Variants in DCPS observed in about 807,000 individuals in gnomAD.
DCPS encodes the protein m7GpppX diphosphatase.
In DCPS, 27 loss-of-function variants were observed where a neutral mutation model predicts 34.7. The observed-to-expected ratio is 0.78, with a 90% CI of 0.57 to 1.07. The LOEUF (loss-of-function observed/expected upper bound fraction) is 1.07, where lower values mean the gene tolerates loss of function less well. DCPS is among the 50% of genes least tolerant of loss of function. The pLI is 0.00. For missense variants in DCPS, 464 were observed against 436.9 expected (o/e 1.06, Z -0.55); for synonymous variants, 185 against 185.7 (o/e 1.00, Z 0.03).
At position 126,325,217 on chromosome 11, in the gene DCPS, T is replaced by C. The variant is rs1330233791; in HGVS notation, c.377-6188T>C. On this transcript the variant is annotated intron_variant, in intron 2 of 5. Transcript: ENST00000263579. The surrounding 1 kb of genome is among the most constrained non-coding windows in gnomAD (Gnocchi z 4.3). ...AAGAAAAAAAATTAAACAGTAAAAA[T>C]GTAATGACTTATTCCATACACCAAA... 1.3e-5 allele frequency among the ~76,000 whole-genome samples: 2 copies of C among 151,744 alleles called. No homozygotes were observed. Among genetic ancestry groups the C allele is most frequent in the African/African-American group, 4.8e-5 (2 of 41,274 alleles).
chr11:126,305,335 G>A (rs532799791), intron 1 of DCPS, among the ~76,000 whole-genome samples: 128 of 149,874 alleles, frequency 8.5e-4, no homozygotes, highest in Admixed American at 3.2e-3. Flanking sequence ...GGCTGGTCTC[G>A]AACTCCTGAC....
At position 126,322,697 on chromosome 11, in the gene DCPS, A is replaced by T. The variant is rs1489883255; in HGVS notation, c.377-8708A>T. 6.6e-6 allele frequency among the ~76,000 whole-genome samples: 1 copy of T among 151,200 alleles called. No homozygotes were observed. Among genetic ancestry groups the T allele is most frequent in the Admixed American group, 6.6e-5 (1 of 15,160 alleles). On this transcript the variant is annotated intron_variant, in intron 2 of 5. Coordinates refer to ENST00000263579, the MANE Select transcript of DCPS (RefSeq NM_014026.6). This position sits in a 1 kb window ranked among gnomAD's most constrained non-coding sequence, Gnocchi z 4.2. ...AACCTCCGCCTCCGAGGTTCAAGTG[A>T]TTCTCCTGCCTCAGCTTCCTGAGTA...
rs540165753 is a variant in DCPS at position 126,331,681 on chromosome 11, C to T, written c.522+131C>T. On this transcript the variant is annotated intron_variant, in intron 3 of 5. Coordinates refer to ENST00000263579, the MANE Select transcript of DCPS (RefSeq NM_014026.6). This position sits in a 1 kb window ranked among gnomAD's most constrained non-coding sequence, Gnocchi z 7.2. ...GAGGGGATGGGGGTACAGTAGAGAG[C>T]ATGGCGGACAGAATCCCCACCTCGT... 3.9e-5 allele frequency: 45 copies of T among 1,153,884 alleles called. No individual in the cohort carries two copies. In the East Asian group the frequency reaches 1.1e-3, roughly 28 times the overall value. 71.5% of individuals were successfully genotyped at this position (1,153,884 alleles called of 1,614,324 possible). A position where few individuals can be genotyped will look rare whatever the true frequency, so the allele number is the denominator to read the frequency against.
chr11:126,343,438 A>T, intron 5 of DCPS, 21 bp downstream of exon 5: 1 of 1,581,886 alleles, frequency 6.3e-7, no homozygotes, highest in South Asian at 1.1e-5. Flanking sequence ...TCACCAAACC[A>T]CGTGGAAGCT....
In DCPS at chr11:126,338,746, A is replaced by G. The variant is rs891327761; in HGVS notation, c.636+347A>G. Among the ~76,000 whole-genome samples the G allele has an allele frequency of 2.0e-5, 3 of 151,594 alleles. No individual in the cohort carries two copies. Among genetic ancestry groups the G allele is most frequent in the South Asian group, 2.1e-4 (1 of 4,812 alleles). On this transcript the variant is annotated intron_variant, in intron 4 of 5. Transcript: ENST00000263579. The surrounding 1 kb of genome is among the most constrained non-coding windows in gnomAD (Gnocchi z 5.4). ...TGGAGCCCTCGGGTGGGGTGTTTCC[A>G]TTTTCTCCATTCCCCTTGACACCAG...
rs550880420 is a variant in DCPS at position 126,322,728 on chromosome 11, G to A, written c.377-8677G>A. 2.0e-5 allele frequency among the ~76,000 whole-genome samples: 3 copies of A among 152,168 alleles called. No homozygotes were observed. In the South Asian group the frequency reaches 6.2e-4, roughly 32 times the overall value. On this transcript the variant is annotated intron_variant, in intron 2 of 5. Coordinates refer to ENST00000263579, the MANE Select transcript of DCPS (RefSeq NM_014026.6). The surrounding 1 kb of genome is among the most constrained non-coding windows in gnomAD (Gnocchi z 4.2). Reference sequence around the variant, plus strand: ...CTGCCTCAGCTTCCTGAGTAGCTGGGACTACAGGCGCGTGCCATCACGCCC... The same window carrying A: ...CTGCCTCAGCTTCCTGAGTAGCTGGAACTACAGGCGCGTGCCATCACGCCC...
Position 126,347,269 on chromosome 11 carries a change from G to C in DCPS, c.*1656G>C, listed in dbSNP as rs1951941335. 6.8e-6 allele frequency among the ~76,000 whole-genome samples: 1 copy of C among 147,524 alleles called. No homozygotes were observed. Among genetic ancestry groups the C allele is most frequent in the Non-Finnish European group, 1.5e-5 (1 of 67,512 alleles). ...GAGACAATCTCGCTCCATCACCCAGGCTGGAGTGCAGTGGCACAATCTCGA... is the reference window on the plus strand; with the variant it reads ...GAGACAATCTCGCTCCATCACCCAGCCTGGAGTGCAGTGGCACAATCTCGA... On this transcript the variant is annotated 3_prime_UTR_variant, in exon 6 of 6. Transcript: ENST00000263579. This position sits in a 1 kb window ranked among gnomAD's most constrained non-coding sequence, Gnocchi z 4.2.
Position 126,348,076 on chromosome 11 carries a change from T to C in DCPS, c.*2463T>C, listed in dbSNP as rs1346411696. Among the ~76,000 whole-genome samples the C allele has an allele frequency of 2.0e-5, 3 of 151,976 alleles. No homozygotes were observed. Among genetic ancestry groups the C allele is most frequent in the African/African-American group, 7.3e-5 (3 of 41,364 alleles). On this transcript the variant is annotated 3_prime_UTR_variant, in exon 6 of 6. Coordinates refer to ENST00000263579, the MANE Select transcript of DCPS (RefSeq NM_014026.6). The surrounding 1 kb of genome is among the most constrained non-coding windows in gnomAD (Gnocchi z 5.3). Reference sequence around the variant, plus strand: ...CCCCTGGAGGAAGGTGGGTAGGAATTTGACACCGGATAAATAAATGTTTGA... The same window carrying C: ...CCCCTGGAGGAAGGTGGGTAGGAATCTGACACCGGATAAATAAATGTTTGA...
chr11:126,333,024 G>A lies in DCPS; in HGVS notation c.522+1474G>A, dbSNP rs750884453. Among the ~76,000 whole-genome samples the A allele has an allele frequency of 3.3e-5, 5 of 152,122 alleles. No individual in the cohort carries two copies. The highest frequency in any genetic ancestry group is 4.4e-5 in the Non-Finnish European group (3 of 68,016). On this transcript the variant is annotated intron_variant, in intron 3 of 5. Transcript: ENST00000263579. This position sits in a 1 kb window ranked among gnomAD's most constrained non-coding sequence, Gnocchi z 5.7. ...GCCTGGCTACTTTTTTGTATTTTTA[G>A]TAGAGATGGGGTTTTGCCATGTTGC...
At position 126,306,661 on chromosome 11, in the gene DCPS, T is replaced by A; in HGVS notation, c.293T>A (p.Leu98Gln). The change falls in exon 2 of 6, where the codon CTG becomes CAG. Residue 98 changes from leucine to glutamine, a missense_variant. Coordinates refer to ENST00000263579, the MANE Select transcript of DCPS (RefSeq NM_014026.6). Reference protein sequence around the residue: ...PFQVEQVAQLLTGSPELQLQF... With the variant: ...PFQVEQVAQLQTGSPELQLQF... ...CAGGTGGAACAGGTGGCTCAGCTCC[T>A]GACGGGCAGCCCTGAGCTCCAGTTG... is the stretch of plus-strand genomic sequence containing the variant. The A allele has an allele frequency of 6.2e-7, 1 of 1,614,004 alleles. No individual in the cohort carries two copies. Among genetic ancestry groups the A allele is most frequent in the Non-Finnish European group, 8.5e-7 (1 of 1,179,924 alleles).
rs561060025 is a variant in DCPS, at chr11:126,336,254, G to A, written c.523-2032G>A. Among the ~76,000 whole-genome samples the A allele has an allele frequency of 2.6e-5, 4 of 151,976 alleles. No individual in the cohort carries two copies. The highest frequency in any genetic ancestry group is 2.1e-4 in the South Asian group (1 of 4,804). On this transcript the variant is annotated intron_variant, in intron 3 of 5. Transcript: ENST00000263579. The surrounding 1 kb of genome is among the most constrained non-coding windows in gnomAD (Gnocchi z 6.3). ...CTGCAGTCACTCGTCCTCCAGCCCCGCTCTTATTTCCTCTCTCACCACCTC... is the reference window on the plus strand; with the variant it reads ...CTGCAGTCACTCGTCCTCCAGCCCCACTCTTATTTCCTCTCTCACCACCTC...
intron 2 of DCPS, among the ~76,000 whole-genome samples, chr11:126,314,417 G>A (rs183704856): frequency 4.0e-5 from 6 of 151,434 alleles, no homozygotes; most frequent in Non-Finnish European, 5.9e-5. Flanking sequence ...CAACCATTAC[G>A]GGAAACAGTG....
intron 2 of DCPS, among the ~76,000 whole-genome samples, chr11:126,307,723 C>T (rs1320652834): frequency 6.6e-6 from 1 of 152,120 alleles, no homozygotes; most frequent in Non-Finnish European, 1.5e-5. Context: ...ATAGATTAAT[C>T]TACTAATTGA....
In DCPS at chr11:126,347,617, G is replaced by C. The variant is rs1951948085; in HGVS notation, c.*2004G>C. 6.6e-6 allele frequency among the ~76,000 whole-genome samples: 1 copy of C among 152,252 alleles called. No homozygotes were observed. The highest frequency in any genetic ancestry group is 1.5e-5 in the Non-Finnish European group (1 of 68,048). ...GACCAATGCAGGGAGGTCTGACAGA[G>C]AATCAGCAGGATCCATTTCATGGCC... is the stretch of plus-strand genomic sequence containing the variant. On this transcript the variant is annotated 3_prime_UTR_variant, in exon 6 of 6. Transcript: ENST00000263579. The surrounding 1 kb of genome is among the most constrained non-coding windows in gnomAD (Gnocchi z 4.2).
chr11:126,306,580 C>T lies in DCPS; in HGVS notation c.212C>T (p.Ala71Val). ...IIFLHGKVNE[A>V]SGDGDGEDAV... ...TGCCTCTGCCCACAGGTGAATGAGG[C>T]CTCTGGGGATGGGGATGGAGAGGAT... is the stretch of plus-strand genomic sequence containing the variant. Residue 71 changes from alanine (A) to valine (V), a missense_variant, in exon 2 of 6, where the codon GCC (alanine) becomes GTC (valine). Ala to Val is a moderately conservative substitution (Grantham distance 64, BLOSUM62 0). Transcript: ENST00000263579. The T allele has an allele frequency of 6.3e-7, 1 of 1,598,726 alleles. No homozygotes were observed. The highest frequency in any genetic ancestry group is 1.1e-5 in the South Asian group (1 of 88,746).
chr11:126,307,705 C>T (rs1204114929), intron 2 of DCPS, among the ~76,000 whole-genome samples: 1 of 152,088 alleles, frequency 6.6e-6, no homozygotes, highest in Non-Finnish European at 1.5e-5. Context: ...CCGTGCCCAG[C>T]CAGAATAATA....
chr11:126,333,920 G>A lies in DCPS; in HGVS notation c.522+2370G>A, dbSNP rs902976382. On this transcript the variant is annotated intron_variant, in intron 3 of 5. Transcript: ENST00000263579. The surrounding 1 kb of genome is among the most constrained non-coding windows in gnomAD (Gnocchi z 5.7). ...TATTTCTGACAACCATCAGATGTGAGAACAGTTGCCATAGGCAGTGAGGGT... is the reference window on the plus strand; with the variant it reads ...TATTTCTGACAACCATCAGATGTGAAAACAGTTGCCATAGGCAGTGAGGGT... 1.3e-5 allele frequency among the ~76,000 whole-genome samples: 2 copies of A among 152,144 alleles called. No homozygotes were observed. The highest frequency in any genetic ancestry group is 4.8e-5 in the African/African-American group (2 of 41,416).
At position 126,344,491 on chromosome 11, in the gene DCPS, C is replaced by T. The variant is rs181299953; in HGVS notation, c.748-856C>T. On this transcript the variant is annotated intron_variant, in intron 5 of 5. Coordinates refer to ENST00000263579, the MANE Select transcript of DCPS (RefSeq NM_014026.6). The surrounding 1 kb of genome is among the most constrained non-coding windows in gnomAD (Gnocchi z 8.1). ...ACCTCACTTACTCCAGGAAGCCCCT[C>T]GGGTGCCTTGGCCCTGGTCTCGCCC... 6.6e-6 allele frequency among the ~76,000 whole-genome samples: 1 copy of T among 152,290 alleles called. No homozygotes were observed. The highest frequency in any genetic ancestry group is 1.9e-4 in the East Asian group (1 of 5,172).
At position 126,333,528 on chromosome 11, in the gene DCPS, C is replaced by T. The variant is rs749171648; in HGVS notation, c.522+1978C>T. Among the ~76,000 whole-genome samples, 7 of 152,188 alleles carry T rather than the reference C, an allele frequency of 4.6e-5. No homozygotes were observed. Among genetic ancestry groups the T allele is most frequent in the African/African-American group, 7.2e-5 (3 of 41,432 alleles). ...AGTTGGGACTTCACAGGGAGAGGAT[C>T]CTCCCCTTGGGTCTTACAGGACAAA... On this transcript the variant is annotated intron_variant, in intron 3 of 5. Coordinates refer to ENST00000263579, the MANE Select transcript of DCPS (RefSeq NM_014026.6). This position sits in a 1 kb window ranked among gnomAD's most constrained non-coding sequence, Gnocchi z 5.7.
Sources: allele counts gnomAD v4.1 joint callset (sites outside exome capture counted in the v4.1 genomes callset), GRCh38; gene constraint gnomAD v4.1.1; non-coding constraint Gnocchi (gnomAD v3.1); transcripts MANE v1.5; gene names NCBI Gene and HGNC (gene_info 2026-07-23, HGNC 2026-07-21).